SNX1: variants seen among roughly 807,000 people sequenced by gnomAD.
SNX1 encodes sorting nexin 1, also known as sorting nexin-1.
In SNX1, 36 loss-of-function variants were observed where a neutral mutation model predicts 71.8. The ratio of observed to expected loss-of-function variants is 0.50; its 90% CI spans 0.38 to 0.66. The LOEUF (loss-of-function observed/expected upper bound fraction) is 0.66, where lower values mean the gene tolerates loss of function less well. SNX1 is among the 30% of genes least tolerant of loss of function. SNX1 has a pLI of 0.00. For missense variants in SNX1, 612 were observed against 646.7 expected (o/e 0.95, Z 0.58); for synonymous variants, 254 against 240.7 (o/e 1.06, Z -0.51).
chr15:64,118,257 G>A lies in SNX1; in HGVS notation c.399+13G>A. On this transcript the variant is annotated intron_variant, in intron 3 of 14. Transcript: ENST00000559844. The stretch of plus-strand genomic sequence containing the variant: ...AACCTATGAGGAGGTGAGGATCTGT[G>A]CTCTTGGTCTTATCGCTTTTAGATA... The A allele has an allele frequency of 6.2e-7, 1 of 1,603,652 alleles. No individual in the cohort carries two copies. The highest frequency in any genetic ancestry group is 8.5e-7 in the Non-Finnish European group (1 of 1,177,372).
At chr15:64,118,950 C>G in intron 4 of SNX1, 96 bp downstream of exon 4, 1 of 860,726 alleles carries the variant, frequency 1.2e-6, no homozygotes. Context: ...GTTGAACTAG[C>G]CAATGTGAAG....
chr15:64,136,549 G>A (rs114939480), intron 13 of SNX1, 139 bp downstream of exon 13: 2 of 734,960 alleles, frequency 2.7e-6, no homozygotes, highest in South Asian at 1.6e-5. Context: ...GCCTTCTTTG[G>A]GGGGGTGTGT....
chr15:64,127,959 C>G (rs1328804936), intron 8 of SNX1, among the ~76,000 whole-genome samples, 153 bp downstream of exon 8: 1 of 152,202 alleles, frequency 6.6e-6, no homozygotes, highest in Non-Finnish European at 1.5e-5. Context: ...AAGTATTTTT[C>G]AGCCTTTGAA....
intron 4 of SNX1, among the ~76,000 whole-genome samples, chr15:64,120,606 G>A (rs1489486231): frequency 1.3e-5 from 2 of 152,094 alleles, no homozygotes; most frequent in African/African-American, 4.8e-5. Context: ...GAACCCAGGA[G>A]TTCAGGACCA....
In SNX1 at chr15:64,136,964, A is replaced by G. The variant is rs369521346; in HGVS notation, c.1518+32A>G. 8.2e-6 allele frequency: 13 copies of G among 1,585,204 alleles called. No homozygotes were observed. In the Admixed American group the frequency reaches 1.0e-4, roughly 12 times the overall value. ...AAGTTGTGTGTGACCTTCATCCTCT[A>G]CTGCCTGCTCCAAAGGCCAGCTGCC... On this transcript the variant is annotated intron_variant, in intron 14 of 14. Coordinates refer to ENST00000559844, the MANE Select transcript of SNX1 (RefSeq NM_003099.5).
At chr15:64,125,592 C>T (rs999998560) in intron 5 of SNX1, among the ~76,000 whole-genome samples, 2 of 151,904 alleles carry the variant, frequency 1.3e-5, no homozygotes, top group Admixed American at 6.6e-5. Flanking sequence ...CTGCAGTAAG[C>T]TGTGATCGCA....
At chr15:64,108,438 C>T (rs1050017208) in intron 1 of SNX1, among the ~76,000 whole-genome samples, 2 of 152,018 alleles carry the variant, frequency 1.3e-5, no homozygotes, top group Admixed American at 6.6e-5. Context: ...ATTTTGATAA[C>T]GTGCTATTAT....
chr15:64,136,801 A>G, intron 13 of SNX1, 60 bp from the exon 14 acceptor site: 1 of 1,280,400 alleles, frequency 7.8e-7, no homozygotes, highest in Admixed American at 1.7e-5. Flanking sequence ...AATAAACACC[A>G]CCATCCCATC....
chr15:64,135,169 G>A (rs1203278594), intron 12 of SNX1, among the ~76,000 whole-genome samples: 1 of 151,942 alleles, frequency 6.6e-6, no homozygotes, highest in Non-Finnish European at 1.5e-5. Flanking sequence ...ACAGGCTGGA[G>A]TGCAGTGGCG....
chr15:64,106,886 G>C (rs1182704691), intron 1 of SNX1, among the ~76,000 whole-genome samples: 1 of 152,180 alleles, frequency 6.6e-6, no homozygotes, highest in East Asian at 1.9e-4. Context: ...GACTTTTTCA[G>C]AACTGTAAGA....
chr15:64,114,600 T>C (rs1450094483), intron 2 of SNX1, among the ~76,000 whole-genome samples: 1 of 152,114 alleles, frequency 6.6e-6, no homozygotes, highest in Non-Finnish European at 1.5e-5. Context: ...TTTCTAGAGG[T>C]GGTAGTTGAA....
chr15:64,108,069 T>TGTA (rs996840047), intron 1 of SNX1, among the ~76,000 whole-genome samples: 65 of 151,868 alleles, frequency 4.3e-4, no homozygotes, highest in African/African-American at 1.5e-3. Flanking sequence ...GGTGGGCGCC[T>TGTA]GTAGTCCCAG....
Position 64,096,105 on chromosome 15 carries a change from G to T in SNX1, c.92G>T (p.Gly31Val). The T allele has an allele frequency of 6.4e-7, 1 of 1,564,150 alleles. No individual in the cohort carries two copies. The highest frequency in any genetic ancestry group is 8.6e-7 in the Non-Finnish European group (1 of 1,156,230). The change falls in exon 1 of 15, where the codon GGA becomes GTA. Residue 31 changes from glycine to valine, a missense_variant. By Grantham distance (109) the Gly-to-Val change is moderately radical. This residue lies in a region of SNX1 where 316 missense variants were observed against 284.9 expected (regional missense o/e 1.11). Transcript: ENST00000559844. Reference protein sequence around the residue: ...LEPESEGAAGGSEPEAGDSDT... With the variant: ...LEPESEGAAGVSEPEAGDSDT... The stretch of plus-strand genomic sequence containing the variant: ...CCGGAGTCCGAGGGGGCGGCCGGGG[G>T]ATCAGAACCCGAGGCTGGGGACAGC...
At chr15:64,137,422 CAT>C (rs2081370293) in intron 14 of SNX1, 144 bp from the exon 15 acceptor site, 1 of 752,080 alleles carries the variant, frequency 1.3e-6, no homozygotes, top group African/African-American at 1.7e-5. Context: ...GTGTGAAGGT[CAT>C]GTGGCCTGTG....
rs142419665 is a variant in SNX1 at position 64,113,636 on chromosome 15, G to A, written c.271+952G>A. ...GGAGTTTGAGACCAGCCTGGCCAACGTAGTGAAACCCCATCTCTACTAAAA... is the reference window on the plus strand; with the variant it reads ...GGAGTTTGAGACCAGCCTGGCCAACATAGTGAAACCCCATCTCTACTAAAA... On this transcript the variant is annotated intron_variant, in intron 2 of 14. Transcript: ENST00000559844. Among the ~76,000 whole-genome samples, 507 of 152,148 alleles carry A rather than the reference G, an allele frequency of 3.3e-3. 7 individuals are homozygous for A. Among genetic ancestry groups the A allele is most frequent in the African/African-American group, 0.012 (478 of 41,516 alleles).
chr15:64,134,633 G>A lies in SNX1; in HGVS notation c.1222-31G>A. On this transcript the variant is annotated intron_variant, in intron 11 of 14. Coordinates refer to ENST00000559844, the MANE Select transcript of SNX1 (RefSeq NM_003099.5). This position sits in a 1 kb window ranked among gnomAD's most constrained non-coding sequence, Gnocchi z 4.1. ...AGCCAGCAGAGCTCTTGAAGAGCTG[G>A]TTGTGCTCCTCCTCAACCCCACCCC... 1 of 1,593,868 alleles carries A rather than the reference G, an allele frequency of 6.3e-7. No individual in the cohort carries two copies. Among genetic ancestry groups the A allele is most frequent in the South Asian group, 1.1e-5 (1 of 87,962 alleles).
Position 64,129,967 on chromosome 15 carries a change from A to G in SNX1, c.859A>G (p.Met287Val), listed in dbSNP as rs2081290217. 6.2e-7 allele frequency: 1 copy of G among 1,614,052 alleles called. No homozygotes were observed. Among genetic ancestry groups the G allele is most frequent in the Admixed American group, 1.7e-5 (1 of 60,000 alleles). Residue 287 changes from methionine (M) to valine (V), a missense_variant, in exon 9 of 15, where the codon ATG becomes GTG. Physicochemically the swap from Met to Val is conservative, Grantham distance 21 (BLOSUM62 1). Transcript: ENST00000559844. The surrounding 1 kb of genome is among the most constrained non-coding windows in gnomAD (Gnocchi z 4.4). ...QTLSGAGLLKMFNKATDAVSK... is the reference protein window; with the variant it reads ...QTLSGAGLLKVFNKATDAVSK... ...ATTGAGTGGTGCTGGTCTCCTCAAG[A>G]TGTTCAACAAAGCCACAGATGCCGT...
At position 64,144,020 on chromosome 15, in the gene SNX1, AAGC is replaced by A. The variant is rs1351947687; in HGVS notation, c.*6405_*6407del. On this transcript the variant is annotated 3_prime_UTR_variant, in exon 15 of 15. Coordinates refer to ENST00000559844, the MANE Select transcript of SNX1 (RefSeq NM_003099.5). This position sits in a 1 kb window ranked among gnomAD's most constrained non-coding sequence, Gnocchi z 4.3. ...GAAAACTCATATTTTTTAGTGAAAA[AAGC>A]AGGTTATAGAATTGCATGATATTCA... 1 of 152,198 alleles carries A rather than the reference AAGC, an allele frequency of 6.6e-6. No homozygotes were observed. Among genetic ancestry groups the A allele is most frequent in the Non-Finnish European group, 1.5e-5 (1 of 68,044 alleles). 9.4% of individuals were successfully genotyped at this position (152,198 alleles called of 1,614,324 possible).
intron 8 of SNX1, among the ~76,000 whole-genome samples, chr15:64,128,149 A>G (rs1035907834): frequency 5.9e-5 from 9 of 152,348 alleles, no homozygotes; most frequent in South Asian, 2.1e-4. Context: ...GTTAACAGTT[A>G]CCACAAACCA....
Sources: allele counts gnomAD v4.1 joint callset (sites outside exome capture counted in the v4.1 genomes callset), GRCh38; gene constraint gnomAD v4.1.1; regional missense constraint gnomAD v4.1.1; non-coding constraint Gnocchi (gnomAD v3.1); transcripts MANE v1.5; gene names NCBI Gene and HGNC (gene_info 2026-07-23, HGNC 2026-07-21).